FAT3: variants seen among roughly 807,000 people sequenced by gnomAD.
The protein encoded by FAT3 is FAT atypical cadherin 3, also known as protocadherin Fat 3.
Under a neutral mutation model 310.2 loss-of-function variants are expected in FAT3, and 95 were observed. That is an observed-to-expected ratio of 0.31 (90% confidence interval 0.26 to 0.36). FAT3 has a LOEUF of 0.36. FAT3 is among the 10% of genes least tolerant of loss of function. The pLI, the probability that FAT3 is intolerant of heterozygous loss-of-function variation, is 1.00. For synonymous variants in FAT3, 2,314 were observed against 2,192.9 expected, an observed-to-expected ratio of 1.06 and a Z score of -1.54; for missense variants, 5,408 against 5,715.6, an observed-to-expected ratio of 0.95 and a Z score of 1.74.
At chr11:92,747,522 G>A (rs147448944) in intron 4 of FAT3, among the ~76,000 whole-genome samples, 116 of 152,322 alleles carry the variant, frequency 7.6e-4, no homozygotes, top group African/African-American at 2.3e-3. Context: ...CCTTAGAGGC[G>A]TTTTCCCATT....
intron 19 of FAT3, among the ~76,000 whole-genome samples, chr11:92,855,210 CTTA>C (rs1399472425): frequency 6.6e-6 from 1 of 152,198 alleles, no homozygotes; most frequent in Non-Finnish European, 1.5e-5. Flanking sequence ...GGGTTGTGAA[CTTA>C]TTATGAATAA....
At chr11:92,863,873 A>G (rs1949175957) in intron 21 of FAT3, among the ~76,000 whole-genome samples, 1 of 152,248 alleles carries the variant, frequency 6.6e-6, no homozygotes, top group South Asian at 2.1e-4. Flanking sequence ...TTAACTTTTC[A>G]CAAGGTAACT....
intron 3 of FAT3, among the ~76,000 whole-genome samples, chr11:92,618,884 TCAAAGCAG>T (rs1333062882): frequency 1.3e-5 from 2 of 152,080 alleles, no homozygotes; most frequent in Non-Finnish European, 2.9e-5. Context: ...GAAATCTGAG[TCAAAGCAG>T]CAAGAGCATA....
intron 3 of FAT3, among the ~76,000 whole-genome samples, chr11:92,679,279 G>GTTTATTTA (rs1235672922): frequency 1.2e-4 from 18 of 150,554 alleles, no homozygotes; most frequent in African/African-American, 4.2e-4. Context: ...TTTTTTTTTG[G>GTTTATTTA]TTTATTTATT....
chr11:92,417,653 T>G (rs1011358033), intron 2 of FAT3, among the ~76,000 whole-genome samples: 4 of 152,108 alleles, frequency 2.6e-5, no homozygotes, highest in African/African-American at 9.7e-5. Flanking sequence ...AAATACACAA[T>G]GGAAAATATA....
chr11:92,611,461 A>ACCTCC (rs1489175328), intron 3 of FAT3, among the ~76,000 whole-genome samples: 27 of 152,078 alleles, frequency 1.8e-4, no homozygotes, highest in African/African-American at 6.3e-4. Flanking sequence ...AGGCTAGAAT[A>ACCTCC]CAGTGGTGTG....
At chr11:92,457,311 A>G (rs1951516671) in intron 2 of FAT3, among the ~76,000 whole-genome samples, 1 of 152,154 alleles carries the variant, frequency 6.6e-6, no homozygotes, top group Non-Finnish European at 1.5e-5. Flanking sequence ...ATGAATAGGC[A>G]GAGATACAAT....
intron 3 of FAT3, among the ~76,000 whole-genome samples, chr11:92,551,384 A>G (rs1218197703): frequency 8.5e-6 from 1 of 117,144 alleles, no homozygotes; most frequent in African/African-American, 3.0e-5. Flanking sequence ...ACTTGGGCCT[A>G]GGTGATCTTG....
intron 2 of FAT3, among the ~76,000 whole-genome samples, chr11:92,381,071 T>G (rs1410622225): frequency 6.6e-6 from 1 of 152,190 alleles, no homozygotes; most frequent in African/African-American, 2.4e-5. Context: ...GTTTCCTCTC[T>G]TTTGTTTTTG....
At chr11:92,450,501 A>G (rs1259062361) in intron 2 of FAT3, among the ~76,000 whole-genome samples, 1 of 152,178 alleles carries the variant, frequency 6.6e-6, no homozygotes, top group Admixed American at 6.6e-5. Context: ...ACATAATGTC[A>G]CAGCCTCTGG....
chr11:92,690,601 T>C (rs2135887033), intron 3 of FAT3, among the ~76,000 whole-genome samples: 1 of 152,342 alleles, frequency 6.6e-6, no homozygotes, highest in Non-Finnish European at 1.5e-5. Flanking sequence ...GTATTTTTTC[T>C]TTTCAAATAA....
chr11:92,597,246 C>T (rs1386461785), intron 3 of FAT3, among the ~76,000 whole-genome samples: 2 of 152,214 alleles, frequency 1.3e-5, no homozygotes, highest in South Asian at 2.1e-4. Flanking sequence ...TAAATGAGTA[C>T]TCCTACCTTG....
intron 3 of FAT3, among the ~76,000 whole-genome samples, chr11:92,673,742 A>G (rs1943201680): frequency 2.6e-5 from 4 of 152,086 alleles, no homozygotes; most frequent in African/African-American, 9.7e-5. Context: ...CTGGACTCCA[A>G]TCCTGCAATT....
At chr11:92,658,955 T>C (rs979690439) in intron 3 of FAT3, among the ~76,000 whole-genome samples, 1 of 145,396 alleles carries the variant, frequency 6.9e-6, no homozygotes, top group Non-Finnish European at 1.5e-5. Context: ...TCATCATCAA[T>C]ATCAACATCA....
chr11:92,665,136 T>C (rs1942910182), intron 3 of FAT3, among the ~76,000 whole-genome samples: 1 of 152,190 alleles, frequency 6.6e-6, no homozygotes, highest in Non-Finnish European at 1.5e-5. Flanking sequence ...TATTGTAAGA[T>C]GGAAGAGGTT....
intron 1 of FAT3, among the ~76,000 whole-genome samples, chr11:92,296,788 G>T (rs1031092603): frequency 2.6e-5 from 4 of 152,024 alleles, no homozygotes; most frequent in African/African-American, 9.7e-5. Context: ...TAGCCATTGC[G>T]CATGCTGCCT....
chr11:92,412,744 TAA>T (rs754481946), intron 2 of FAT3, among the ~76,000 whole-genome samples: 394 of 32,728 alleles, frequency 0.012, 64 homozygotes, highest in African/African-American at 0.033. Context: ...TATATATATA[TAA>T]ATATACATAC....
At chr11:92,237,013 C>T (rs187826812) in intron 1 of FAT3, among the ~76,000 whole-genome samples, 1 of 147,434 alleles carries the variant, frequency 6.8e-6, no homozygotes, top group East Asian at 2.3e-4. Context: ...ACTCATGAGG[C>T]CTGCTGGGTA....
chr11:92,589,720 A>G (rs1328082047), intron 3 of FAT3, among the ~76,000 whole-genome samples: 2 of 152,072 alleles, frequency 1.3e-5, no homozygotes, highest in Non-Finnish European at 1.5e-5. Flanking sequence ...CATAAATAGC[A>G]TTCTTTCCCT....
Sources: allele counts gnomAD v4.1 joint callset (sites outside exome capture counted in the v4.1 genomes callset), GRCh38; gene constraint gnomAD v4.1.1; transcripts MANE v1.5; gene names NCBI Gene and HGNC (gene_info 2026-07-23, HGNC 2026-07-21).